Variants in NKAIN2 observed in about 807,000 individuals in gnomAD.
The protein encoded by NKAIN2 is sodium/potassium transporting ATPase interacting 2.
A neutral mutation model predicts 32.6 loss-of-function variants in NKAIN2; 14 were observed. That is an observed-to-expected ratio of 0.43 (90% CI 0.28 to 0.67). The LOEUF (loss-of-function observed/expected upper bound fraction) is 0.67. NKAIN2 is among the 30% of genes least tolerant of loss of function. NKAIN2 has a pLI of 0.17. For missense variants in NKAIN2, 198 were observed against 258.3 expected (o/e 0.77, Z 1.60); for synonymous variants, 80 against 87.2 (o/e 0.92, Z 0.46).
chr6:124,745,082 C>T (rs2114697672), intron 4 of NKAIN2, among the ~76,000 whole-genome samples: 1 of 151,696 alleles, frequency 6.6e-6, no homozygotes, highest in Non-Finnish European at 1.5e-5. Context: ...TTCAGACATC[C>T]TAATACTATG....
intron 5 of NKAIN2, among the ~76,000 whole-genome samples, chr6:124,794,279 C>G (rs1301872604): frequency 6.6e-6 from 1 of 152,086 alleles, no homozygotes; most frequent in East Asian, 1.9e-4. Context: ...ACCCCTGCCC[C>G]TCTCCGACCT....
At chr6:124,478,048 A>G (rs1389801731) in intron 3 of NKAIN2, among the ~76,000 whole-genome samples, 1 of 151,878 alleles carries the variant, frequency 6.6e-6, no homozygotes, top group African/African-American at 2.4e-5. Context: ...CACAAAGCCA[A>G]ATATCTGCTA....
At chr6:124,366,964 G>A (rs1377828325) in intron 3 of NKAIN2, among the ~76,000 whole-genome samples, 1 of 150,442 alleles carries the variant, frequency 6.6e-6, no homozygotes, top group East Asian at 2.0e-4. Flanking sequence ...ATTTTAAAAT[G>A]CTGAATAACT....
intron 3 of NKAIN2, among the ~76,000 whole-genome samples, chr6:124,376,042 G>A (rs1034522461): frequency 6.6e-6 from 1 of 152,086 alleles, no homozygotes; most frequent in African/African-American, 2.4e-5. Flanking sequence ...GGTCAGAAAA[G>A]CAATGAACAG....
chr6:124,513,590 G>T (rs1778797376), intron 3 of NKAIN2, among the ~76,000 whole-genome samples: 1 of 152,198 alleles, frequency 6.6e-6, no homozygotes, highest in African/African-American at 2.4e-5. Context: ...ATAGCATCAA[G>T]AACCATGCTT....
At chr6:124,362,089 T>A (rs1799313812) in intron 3 of NKAIN2, among the ~76,000 whole-genome samples, 1 of 152,038 alleles carries the variant, frequency 6.6e-6, no homozygotes, top group Non-Finnish European at 1.5e-5. Flanking sequence ...CAATTACTAT[T>A]AAACAAAGAC....
At chr6:124,324,363 T>A (rs1644078065) in intron 2 of NKAIN2, among the ~76,000 whole-genome samples, 2 of 152,200 alleles carry the variant, frequency 1.3e-5, no homozygotes, top group South Asian at 4.1e-4. Context: ...GGCCTTTTTT[T>A]AGCAATTGTA....
At chr6:124,340,480 A>G (rs549218544) in intron 2 of NKAIN2, among the ~76,000 whole-genome samples, 2 of 152,158 alleles carry the variant, frequency 1.3e-5, no homozygotes, top group African/African-American at 4.8e-5. Context: ...TCACCTAGGT[A>G]TTAAGCCCAG....
intron 5 of NKAIN2, among the ~76,000 whole-genome samples, chr6:124,807,588 G>C (rs1197808002): frequency 1.9e-4 from 27 of 145,782 alleles, no homozygotes; most frequent in African/African-American, 6.8e-4. Flanking sequence ...AACTAGAAAA[G>C]CAAGAGCAAA....
At chr6:123,878,561 C>T (rs1343408288) in intron 1 of NKAIN2, among the ~76,000 whole-genome samples, 2 of 152,024 alleles carry the variant, frequency 1.3e-5, no homozygotes, top group African/African-American at 4.8e-5. Flanking sequence ...CCTTTTAAAA[C>T]CCTTTTCCTG....
At chr6:124,673,340 G>A (rs1773197046) in intron 4 of NKAIN2, among the ~76,000 whole-genome samples, 1 of 152,098 alleles carries the variant, frequency 6.6e-6, no homozygotes, top group South Asian at 2.1e-4. Flanking sequence ...GAATAGTGCT[G>A]CAGTGAACAT....
chr6:124,133,715 G>A (rs574069169), intron 1 of NKAIN2, among the ~76,000 whole-genome samples: 1 of 152,216 alleles, frequency 6.6e-6, no homozygotes, highest in East Asian at 1.9e-4. Flanking sequence ...GAATATAACT[G>A]CTACAAGTAG....
chr6:124,469,540 A>T (rs913239949), intron 3 of NKAIN2, among the ~76,000 whole-genome samples: 2 of 152,216 alleles, frequency 1.3e-5, no homozygotes, highest in Non-Finnish European at 2.9e-5. Flanking sequence ...CAAATAACAA[A>T]GGTCTATTAT....
At chr6:124,663,523 G>A (rs559404079) in intron 4 of NKAIN2, among the ~76,000 whole-genome samples, 5 of 151,846 alleles carry the variant, frequency 3.3e-5, no homozygotes, top group South Asian at 4.2e-4. Flanking sequence ...TACCCAAAAC[G>A]CATGACTTCT....
chr6:123,878,127 G>A (rs1047218983), intron 1 of NKAIN2, among the ~76,000 whole-genome samples: 3 of 151,956 alleles, frequency 2.0e-5, no homozygotes, highest in Non-Finnish European at 2.9e-5. Context: ...TCAGTAGGCT[G>A]ATGCAGGAGA....
At chr6:124,392,861 C>A (rs901352087) in intron 3 of NKAIN2, among the ~76,000 whole-genome samples, 1 of 152,032 alleles carries the variant, frequency 6.6e-6, no homozygotes, top group Non-Finnish European at 1.5e-5. Flanking sequence ...CTACTTGGGA[C>A]AATATGCTCC....
intron 1 of NKAIN2, among the ~76,000 whole-genome samples, chr6:124,106,392 A>T (rs1785122058): frequency 6.6e-6 from 1 of 152,166 alleles, no homozygotes; most frequent in Non-Finnish European, 1.5e-5. Context: ...AAACACTATT[A>T]TTGTAGTATG....
At position 124,663,380 on chromosome 6, in the gene NKAIN2, G is replaced by T. The variant is rs150813163; in HGVS notation, c.474+4994G>T. 3.3e-3 allele frequency among the ~76,000 whole-genome samples: 508 copies of T among 151,864 alleles called. 12 individuals carry two copies. Among genetic ancestry groups the T allele is most frequent in the Admixed American group, 0.026 (391 of 15,248 alleles). ...TGGGAGGTGGAGGTTGCAGTGAGCC[G>T]AGATCATGCTACTGCACTCCAACCT... On this transcript the variant is annotated intron_variant, in intron 4 of 6. Transcript: ENST00000368417.
chr6:124,476,397 CTGTGTGTGTGTGTGTGTGTG>C (rs56691516), intron 3 of NKAIN2, among the ~76,000 whole-genome samples: 29 of 137,922 alleles, frequency 2.1e-4, no homozygotes, highest in East Asian at 7.0e-4. Flanking sequence ...ATGTATGTGA[CTGTGTGTGTGTGTGTGTGTG>C]TGTGTGTGTG....
Sources: gnomAD v4.1 joint callset for allele counts (sites outside exome capture counted in the v4.1 genomes callset) on GRCh38, gnomAD v4.1.1 for gene constraint, MANE v1.5 for transcripts, NCBI Gene and HGNC (gene_info 2026-07-23, HGNC 2026-07-21) for gene names.